WWP2: variants seen among roughly 807,000 people sequenced by gnomAD.
WWP2 encodes the protein NEDD4-like E3 ubiquitin-protein ligase WWP2.
A neutral mutation model predicts 121.0 loss-of-function variants in WWP2; 57 were observed. That is an observed-to-expected ratio of 0.47 (90% CI 0.38 to 0.59). The LOEUF (loss-of-function observed/expected upper bound fraction) is 0.59. Among genes scored for constraint, WWP2 ranks in the 20% least tolerant of loss-of-function variants. The pLI is 0.00. For missense variants in WWP2, 962 were observed against 1,158.9 expected, an observed-to-expected ratio of 0.83 and a Z score of 2.47; for synonymous variants, 449 against 441.3, an observed-to-expected ratio of 1.02 and a Z score of -0.22.
At chr16:69,856,519 G>T (rs553882130) in intron 6 of WWP2, among the ~76,000 whole-genome samples, 1 of 152,328 alleles carries the variant, frequency 6.6e-6, no homozygotes, top group Admixed American at 6.5e-5. Flanking sequence ...GCTCACGCCT[G>T]TAATCCCAGC....
At chr16:69,932,055 C>T (rs1381175278) in intron 16 of WWP2, among the ~76,000 whole-genome samples, 165 bp downstream of exon 16, 1 of 152,252 alleles carries the variant, frequency 6.6e-6, no homozygotes, top group African/African-American at 2.4e-5. Flanking sequence ...ACCCGCCAGG[C>T]GCGGTGGCTC....
rs1037045333 is a variant in WWP2 at position 69,829,384 on chromosome 16, A to G, written c.341-10742A>G. ...GTGCAGTGGCTCTTAGGTTACAGAA[A>G]AACTCTCTAACACAGCATGTCACAA... On this transcript the variant is annotated intron_variant, in intron 4 of 23. Transcript: ENST00000359154. 1.2e-4 allele frequency among the ~76,000 whole-genome samples: 19 copies of G among 152,288 alleles called. 2 individuals are homozygous for G. Among genetic ancestry groups the G allele is most frequent in the South Asian group, 4.2e-4 (2 of 4,812 alleles).
At chr16:69,860,188 C>T (rs1471207561) in intron 6 of WWP2, among the ~76,000 whole-genome samples, 3 of 151,946 alleles carry the variant, frequency 2.0e-5, no homozygotes, top group Non-Finnish European at 4.4e-5. Context: ...CGTGGTGGTC[C>T]GATTCCATTC....
intron 4 of WWP2, among the ~76,000 whole-genome samples, chr16:69,831,703 A>G (rs958226003): frequency 6.6e-6 from 1 of 152,036 alleles, no homozygotes; most frequent in African/African-American, 2.4e-5. Context: ...TTCCCCAAAC[A>G]GCTTGACTGA....
chr16:69,918,433 TA>T (rs1412127537), intron 10 of WWP2, among the ~76,000 whole-genome samples: 1 of 152,246 alleles, frequency 6.6e-6, no homozygotes, highest in African/African-American at 2.4e-5. Flanking sequence ...TTCATTTTGT[TA>T]ATAAAGTTTC....
chr16:69,913,200 AT>A (rs112233666), intron 9 of WWP2, among the ~76,000 whole-genome samples: 6 of 144,308 alleles, frequency 4.2e-5, no homozygotes, highest in African/African-American at 5.1e-5. Flanking sequence ...AATTCTTGTA[AT>A]TTTTTTTTTA....
intron 9 of WWP2, among the ~76,000 whole-genome samples, chr16:69,911,688 C>T (rs964275676): frequency 6.6e-6 from 1 of 152,120 alleles, no homozygotes; most frequent in Non-Finnish European, 1.5e-5. Flanking sequence ...AAATTCACCA[C>T]AGCAGAGTAC....
intron 2 of WWP2, among the ~76,000 whole-genome samples, chr16:69,790,497 G>A (rs1289981939): frequency 2.6e-5 from 4 of 152,144 alleles, no homozygotes; most frequent in African/African-American, 7.2e-5. Context: ...GCAAAGGCAG[G>A]AGAAAATCCA....
intron 1 of WWP2, among the ~76,000 whole-genome samples, chr16:69,784,252 A>G: frequency 6.6e-6 from 1 of 150,392 alleles, no homozygotes; most frequent in East Asian, 1.9e-4. Flanking sequence ...GGCGCCCACC[A>G]CCATGCCCGG....
At chr16:69,827,374 A>G (rs921597645) in intron 4 of WWP2, among the ~76,000 whole-genome samples, 3 of 152,176 alleles carry the variant, frequency 2.0e-5, no homozygotes, top group Non-Finnish European at 4.4e-5. Flanking sequence ...AGCCTGGGCG[A>G]CAGAGACTCC....
intron 11 of WWP2, among the ~76,000 whole-genome samples, chr16:69,927,418 G>A (rs148979968): frequency 6.7e-6 from 1 of 150,224 alleles, no homozygotes; most frequent in Admixed American, 6.7e-5. Flanking sequence ...ATCTGCCCTC[G>A]GCAGCCCTGA....
chr16:69,922,057 C>G (rs9746247), intron 10 of WWP2, among the ~76,000 whole-genome samples: 82,639 of 145,724 alleles, frequency 0.57, 23,537 homozygotes, highest in Admixed American at 0.66. Context: ...CAGCCAGAGA[C>G]ACAGAGTGAG....
intron 4 of WWP2, among the ~76,000 whole-genome samples, chr16:69,818,023 G>A (rs2056527894): frequency 6.6e-6 from 1 of 151,976 alleles, no homozygotes; most frequent in South Asian, 2.1e-4. Context: ...TGTGTCCATG[G>A]CAGAGTCTGG....
intron 4 of WWP2, chr16:69,838,834 A>C (rs893756477): frequency 3.6e-5 from 35 of 985,516 alleles, no homozygotes; most frequent in Non-Finnish European, 4.1e-5. Flanking sequence ...GATCCATGGC[A>C]GGGAAGAGAG....
Position 69,888,149 on chromosome 16 carries a change from C to G in WWP2, c.814C>G (p.Leu272Val). ...GACCCCGAATCCCAACACGACTTCT[C>G]TCCCTGCCCCAGCCACACCGGCTGA... The part of the protein sequence containing the change: ...SVTPNPNTTS[L>V]PAPATPAEGE... Residue 272 changes from leucine to valine, a missense_variant, in exon 8 of 24, where the codon CTC (leucine) becomes GTC (valine). Transcript: ENST00000359154. The G allele has an allele frequency of 3.1e-6, 5 of 1,614,236 alleles. No homozygotes were observed. Among genetic ancestry groups the G allele is most frequent in the Non-Finnish European group, 4.2e-6 (5 of 1,180,048 alleles).
At chr16:69,833,698 T>C (rs1461156805) in intron 4 of WWP2, among the ~76,000 whole-genome samples, 2 of 152,258 alleles carry the variant, frequency 1.3e-5, no homozygotes. Context: ...GCTTAGGCCT[T>C]TGGCTTTCTT....
At chr16:69,836,967 A>G (rs1048919168) in intron 4 of WWP2, among the ~76,000 whole-genome samples, 1 of 150,458 alleles carries the variant, frequency 6.6e-6, no homozygotes, top group Non-Finnish European at 1.5e-5. Context: ...TTGGTTGCTT[A>G]GGTTGGAGTG....
intron 7 of WWP2, among the ~76,000 whole-genome samples, chr16:69,886,451 GA>G (rs1001502391): frequency 5.4e-4 from 78 of 145,032 alleles, no homozygotes; most frequent in Non-Finnish European, 1.0e-3. Flanking sequence ...CTCACATGAA[GA>G]AAAAAAAAAA....
At chr16:69,846,629 G>A (rs1211134579) in intron 6 of WWP2, among the ~76,000 whole-genome samples, 4 of 151,924 alleles carry the variant, frequency 2.6e-5, no homozygotes, top group African/African-American at 9.7e-5. Context: ...GCTGAGGTAG[G>A]AGAATCACTT....
Sources: gnomAD v4.1 joint callset for allele counts (sites outside exome capture counted in the v4.1 genomes callset) on GRCh38, gnomAD v4.1.1 for gene constraint, MANE v1.5 for transcripts, NCBI Gene and HGNC (gene_info 2026-07-23, HGNC 2026-07-21) for gene names.